Variants in ZNF141 observed in about 807,000 individuals in gnomAD.
The protein encoded by ZNF141 is zinc finger protein 141, also known as zinc finger protein 141 (clone pHZ-44).
In ZNF141, 7 loss-of-function variants were observed where a neutral mutation model predicts 11.3. The ratio of observed to expected loss-of-function variants is 0.62; its 90% CI spans 0.35 to 1.16. The LOEUF (loss-of-function observed/expected upper bound fraction) is 1.16, where lower values mean the gene tolerates loss of function less well. Ranked by LOEUF, ZNF141 falls within the 50% of genes most tolerant of loss-of-function variation. ZNF141 has a pLI of 0.02. For synonymous variants in ZNF141, 183 were observed against 190.7 expected (o/e 0.96, Z 0.33); for missense variants, 535 against 554.0 (o/e 0.97, Z 0.34).
chr4:356,375 C>T (rs1553851228), intron 3 of ZNF141, among the ~76,000 whole-genome samples: 1 of 151,762 alleles, frequency 6.6e-6, no homozygotes, highest in African/African-American at 2.4e-5. Flanking sequence ...GGCTGGAGTA[C>T]AGTGGAGTAC....
At position 373,016 on chromosome 4, in the gene ZNF141, T is replaced by C; in HGVS notation, c.579T>C (p.His193=). The change falls in exon 4 of 4, where the codon CAT becomes CAC. Residue 193 remains histidine (H), a synonymous_variant. Coordinates refer to ENST00000240499, the MANE Select transcript of ZNF141 (RefSeq NM_003441.4). Reference sequence around the variant, plus strand: ...ACCTAACTCAACATAAGGTAATTCATGCTGGAGAGAAACCCTACACTTGTG... The same window carrying C: ...ACCTAACTCAACATAAGGTAATTCACGCTGGAGAGAAACCCTACACTTGTG... ...FSHLTQHKVI[H]AGEKPYTCEE... 1 of 1,614,094 alleles carries C rather than the reference T, an allele frequency of 6.2e-7. No individual in the cohort carries two copies. Among genetic ancestry groups the C allele is most frequent in the Non-Finnish European group, 8.5e-7 (1 of 1,179,998 alleles).
intron 3 of ZNF141, among the ~76,000 whole-genome samples, chr4:367,197 T>G (rs1273932513): frequency 6.6e-6 from 1 of 152,170 alleles, no homozygotes; most frequent in Admixed American, 6.5e-5. Context: ...ATGACAGCAT[T>G]CAGCTGTGTA....
intron 3 of ZNF141, among the ~76,000 whole-genome samples, chr4:348,120 A>G (rs1017174563): frequency 2.0e-5 from 3 of 152,186 alleles, no homozygotes; most frequent in African/African-American, 7.2e-5. Flanking sequence ...CTGAGATTAC[A>G]GGCCTGAGCC....
At chr4:354,197 T>TA (rs1553850917) in intron 3 of ZNF141, among the ~76,000 whole-genome samples, 1 of 152,208 alleles carries the variant, frequency 6.6e-6, no homozygotes, top group Non-Finnish European at 1.5e-5. Flanking sequence ...TCTAGAGCAC[T>TA]AACCAGTCCT....
chr4:369,758 ATATATATTTTTT>A (rs1581621959), intron 3 of ZNF141, among the ~76,000 whole-genome samples: 1 of 34,784 alleles, frequency 2.9e-5, no homozygotes, highest in Admixed American at 3.3e-4. Flanking sequence ...ATATATATAT[ATATATATTTTTT>A]TTTTTTTTTT....
intron 3 of ZNF141, among the ~76,000 whole-genome samples, chr4:349,014 CTA>C (rs1721470261): frequency 6.6e-6 from 1 of 151,988 alleles, no homozygotes; most frequent in South Asian, 2.1e-4. Flanking sequence ...GTGTATAATA[CTA>C]TATGTTTTTT....
At position 372,890 on chromosome 4, in the gene ZNF141, CA is replaced by C; in HGVS notation, c.456del (p.Val153LeufsTer34). 1 of 1,613,464 alleles carries C rather than the reference CA, an allele frequency of 6.2e-7. No individual in the cohort carries two copies. Reference sequence around the variant, plus strand: ...AAATACTTCAGTGTAAAGCAAGTGTCAAAGTTGTTAGTAAATTTTCAAATTC... The same window carrying C: ...AAATACTTCAGTGTAAAGCAAGTGTCAAGTTGTTAGTAAATTTTCAAATTC... ...SKILQCKASVKVVSKFSNSNK... is the reference protein window; with the variant it reads ...SKILQCKASVXVVSKFSNSNK... On this transcript the variant is annotated frameshift_variant, in exon 4 of 4. Coordinates refer to ENST00000240499, the MANE Select transcript of ZNF141 (RefSeq NM_003441.4). LOFTEE classifies it low-confidence loss of function (END_TRUNC).
chr4:378,938 G>C lies in ZNF141; in HGVS notation c.*5076G>C, dbSNP rs1284176290. On this transcript the variant is annotated 3_prime_UTR_variant, in exon 4 of 4. Transcript: ENST00000240499. ...CAGCTCATTGCAACCTCCACCTCTCGGGTTCAAGCAATTCTCCTGCCTCAG... is the reference window on the plus strand; with the variant it reads ...CAGCTCATTGCAACCTCCACCTCTCCGGTTCAAGCAATTCTCCTGCCTCAG... Among the ~76,000 whole-genome samples the C allele has an allele frequency of 7.0e-6, 1 of 141,970 alleles. No homozygotes were observed. The highest frequency in any genetic ancestry group is 2.7e-5 in the African/African-American group (1 of 37,408). 93.1% of individuals were successfully genotyped at this position (141,970 alleles called of 152,430 possible). A position where few individuals can be genotyped will look rare whatever the true frequency, so the allele number is the denominator to read the frequency against.
At chr4:363,737 G>A (rs1252975756) in intron 3 of ZNF141, among the ~76,000 whole-genome samples, 10 of 148,920 alleles carry the variant, frequency 6.7e-5, no homozygotes, top group Non-Finnish European at 8.9e-5. Context: ...CAGCCTGCAC[G>A]ACACAGTGAG....
At chr4:367,683 A>G (rs1339949558) in intron 3 of ZNF141, among the ~76,000 whole-genome samples, 2 of 151,816 alleles carry the variant, frequency 1.3e-5, no homozygotes, top group Non-Finnish European at 2.9e-5. Context: ...TGCCCAACTA[A>G]TTTTTGTATT....
chr4:365,374 C>G (rs782167271), intron 3 of ZNF141, among the ~76,000 whole-genome samples: 1 of 152,156 alleles, frequency 6.6e-6, no homozygotes, highest in Non-Finnish European at 1.5e-5. Flanking sequence ...TGAGATGAAC[C>G]AGGTACCTCA....
At position 378,426 on chromosome 4, in the gene ZNF141, C is replaced by T. The variant is rs957647066; in HGVS notation, c.*4564C>T. On this transcript the variant is annotated 3_prime_UTR_variant, in exon 4 of 4. Coordinates refer to ENST00000240499, the MANE Select transcript of ZNF141 (RefSeq NM_003441.4). Reference sequence around the variant, plus strand: ...CTGGGACTACAATCGCCTGCCACCACGCCCAGTTAATTTTTATATTTTTAG... The same window carrying T: ...CTGGGACTACAATCGCCTGCCACCATGCCCAGTTAATTTTTATATTTTTAG... Among the ~76,000 whole-genome samples, 8 of 151,874 alleles carry T rather than the reference C, an allele frequency of 5.3e-5. No individual in the cohort carries two copies. The highest frequency in any genetic ancestry group is 2.1e-4 in the South Asian group (1 of 4,816).
At chr4:369,764 A>ATATATATATTTTTTTTTT in intron 3 of ZNF141, among the ~76,000 whole-genome samples, 3 of 48,720 alleles carry the variant, frequency 6.2e-5, no homozygotes, top group African/African-American at 3.4e-4. Flanking sequence ...ATATATATAT[A>ATATATATATTTTTTTTTT]TTTTTTTTTT....
At position 369,764 on chromosome 4, in the gene ZNF141, A is replaced by ATATATTTTTTTT; in HGVS notation, c.227-2899_227-2898insATATTTTTTTTT. On this transcript the variant is annotated intron_variant, in intron 3 of 3. Coordinates refer to ENST00000240499, the MANE Select transcript of ZNF141 (RefSeq NM_003441.4). The stretch of plus-strand genomic sequence containing the variant: ...TATATATATATATATATATATATAT[A>ATATATTTTTTTT]TTTTTTTTTTTTTTTTTTTTGAGAG... Among the ~76,000 whole-genome samples, 10 of 48,724 alleles carry ATATATTTTTTTT rather than the reference A, an allele frequency of 2.1e-4. 1 individual carries two copies. The highest frequency in any genetic ancestry group is 1.4e-3 in the African/African-American group (8 of 5,882). The allele number at this position is 48,724 out of a possible 152,430, so 32.0% of individuals were successfully genotyped here. A position where few individuals can be genotyped will look rare whatever the true frequency, so the allele number is the denominator to read the frequency against.
At chr4:361,050 G>A (rs576411291) in intron 3 of ZNF141, among the ~76,000 whole-genome samples, 4 of 152,168 alleles carry the variant, frequency 2.6e-5, no homozygotes, top group South Asian at 2.1e-4. Flanking sequence ...AAATGTAACC[G>A]TTTTAGGTAG....
intron 3 of ZNF141, among the ~76,000 whole-genome samples, chr4:356,882 A>G (rs879962658): frequency 6.8e-6 from 1 of 147,184 alleles, no homozygotes; most frequent in Admixed American, 6.8e-5. Context: ...TTGTATGTGC[A>G]TCTACTAGTT....
At chr4:370,974 C>T (rs1256542344) in intron 3 of ZNF141, among the ~76,000 whole-genome samples, 34 of 151,946 alleles carry the variant, frequency 2.2e-4, no homozygotes, top group Non-Finnish European at 4.3e-4. Flanking sequence ...CCTCCTGATC[C>T]ACCAGCCTCG....
chr4:382,236 G>A lies in ZNF141; in HGVS notation c.*8374G>A, dbSNP rs1379392817. On this transcript the variant is annotated 3_prime_UTR_variant, in exon 4 of 4. Transcript: ENST00000240499. Reference sequence around the variant, plus strand: ...GCTGGGATTACAGGCATGAGCCACCGCGCCCGGCCTTAGTTGTGTGTGATT... The same window carrying A: ...GCTGGGATTACAGGCATGAGCCACCACGCCCGGCCTTAGTTGTGTGTGATT... 2.6e-5 allele frequency among the ~76,000 whole-genome samples: 4 copies of A among 152,066 alleles called. No homozygotes were observed. Among genetic ancestry groups the A allele is most frequent in the African/African-American group, 9.7e-5 (4 of 41,410 alleles).
At chr4:362,807 AG>A (rs1711553249) in intron 3 of ZNF141, among the ~76,000 whole-genome samples, 1 of 152,222 alleles carries the variant, frequency 6.6e-6, no homozygotes, top group Admixed American at 6.5e-5. Context: ...GAAGTCAGGT[AG>A]CGTGATGCCT....
Sources: gnomAD v4.1 joint callset for allele counts (sites outside exome capture counted in the v4.1 genomes callset) on GRCh38, gnomAD v4.1.1 for gene constraint, MANE v1.5 for transcripts, NCBI Gene and HGNC (gene_info 2026-07-23, HGNC 2026-07-21) for gene names.